HPSE2: variants seen among roughly 807,000 people sequenced by gnomAD.
The protein encoded by HPSE2 is inactive heparanase-2.
A neutral mutation model predicts 60.5 loss-of-function variants in HPSE2; 38 were observed. The observed-to-expected ratio is 0.63, with a 90% confidence interval of 0.48 to 0.82. HPSE2 has a LOEUF of 0.82. HPSE2 is among the 40% of genes least tolerant of loss of function. The probability of loss-of-function intolerance (pLI) is 0.00; values close to 1 mark genes in which losing one functional copy is unlikely to be tolerated. For missense variants in HPSE2, 713 were observed against 740.4 expected, an observed-to-expected ratio of 0.96 and a Z score of 0.43; for synonymous variants, 295 against 293.2, an observed-to-expected ratio of 1.01 and a Z score of -0.06.
intron 3 of HPSE2, among the ~76,000 whole-genome samples, chr10:98,874,986 T>C (rs760199425): frequency 1.3e-5 from 2 of 152,096 alleles, no homozygotes; most frequent in Non-Finnish European, 2.9e-5. Flanking sequence ...GATAAGTTTT[T>C]TGATGCGCTG....
intron 2 of HPSE2, among the ~76,000 whole-genome samples, chr10:99,175,409 G>T (rs943073675): frequency 6.6e-6 from 1 of 152,196 alleles, no homozygotes; most frequent in South Asian, 2.1e-4. Context: ...GTCTGAAGTC[G>T]ACCTGGGAAG....
rs557762685 is a variant in HPSE2, at chr10:98,910,088, G to A, written c.611-166032C>T. Among the ~76,000 whole-genome samples, 3 of 152,284 alleles carry A rather than the reference G, an allele frequency of 2.0e-5. No homozygotes were observed. The East Asian group carries it at 5.8e-4, about 29-fold the overall frequency. On this transcript the variant is annotated intron_variant, in intron 3 of 11. Transcript: ENST00000370552. ...GTTCATAAAAATAATAGCTAACTGT[G>A]CTGTGATAAAGGCACCAGCAGTATC...
intron 9 of HPSE2, among the ~76,000 whole-genome samples, chr10:98,524,779 T>C (rs182902130): frequency 4.1e-4 from 62 of 152,354 alleles, no homozygotes; most frequent in African/African-American, 1.3e-3. Flanking sequence ...AGCTGTGAAA[T>C]ACAAGTTTAC....
the HPSE2 span, among the ~76,000 whole-genome samples, chr10:99,291,532 C>T: frequency 2.0e-5 from 3 of 147,986 alleles, no homozygotes; most frequent in Non-Finnish European, 4.4e-5. Context: ...TGCAGTGAGC[C>T]GAGATCGCGC....
intron 2 of HPSE2, among the ~76,000 whole-genome samples, chr10:99,174,715 T>C (rs1207131688): frequency 6.6e-6 from 1 of 152,284 alleles, no homozygotes; most frequent in East Asian, 1.9e-4. Context: ...CCTGAGAACA[T>C]GATTGTATTT....
intron 3 of HPSE2, among the ~76,000 whole-genome samples, chr10:98,957,778 C>A (rs1221648968): frequency 6.6e-6 from 1 of 152,136 alleles, no homozygotes; most frequent in African/African-American, 2.4e-5. Context: ...AACAGAGATA[C>A]AATTCAAGGT....
At chr10:99,124,552 C>T (rs1339504795) in intron 3 of HPSE2, among the ~76,000 whole-genome samples, 5 of 152,226 alleles carry the variant, frequency 3.3e-5, no homozygotes, top group Admixed American at 6.5e-5. Flanking sequence ...TTTGTTGGCA[C>T]CCAAAGTCCA....
chr10:99,196,565 A>G (rs1004182574), intron 2 of HPSE2, among the ~76,000 whole-genome samples: 1 of 152,196 alleles, frequency 6.6e-6, no homozygotes, highest in Non-Finnish European at 1.5e-5. Context: ...TTCAACAGAC[A>G]TTTCTCAAAA....
intron 3 of HPSE2, among the ~76,000 whole-genome samples, chr10:99,073,572 C>T (rs1376704882): frequency 2.0e-5 from 3 of 152,096 alleles, no homozygotes; most frequent in Admixed American, 6.6e-5. Context: ...AAACCACCAT[C>T]GCACACGTTT....
At chr10:99,110,069 G>T (rs866464462) in intron 3 of HPSE2, among the ~76,000 whole-genome samples, 11 of 152,114 alleles carry the variant, frequency 7.2e-5, no homozygotes, top group Non-Finnish European at 1.5e-4. Context: ...ATCATAAAGA[G>T]AATTATCTGA....
In HPSE2 at chr10:98,794,964, AG is replaced by A. The variant is rs1351698332; in HGVS notation, c.611-50909del. Among the ~76,000 whole-genome samples the A allele has an allele frequency of 8.7e-3, 1,111 of 127,182 alleles. 19 individuals are homozygous for A. Among genetic ancestry groups the A allele is most frequent in the African/African-American group, 0.031 (1,062 of 34,690 alleles). The allele number at this position is 127,182 out of a possible 152,430, so 83.4% of individuals were successfully genotyped here. ...TTGTTCAAAACTGTAACCATAGCCA[AG>A]GGAGGGGAGGGGAGGGGAGGGAAAG... On this transcript the variant is annotated intron_variant, in intron 3 of 11. Transcript: ENST00000370552.
At chr10:98,577,014 T>C (rs1944659703) in intron 9 of HPSE2, among the ~76,000 whole-genome samples, 2 of 151,934 alleles carry the variant, frequency 1.3e-5, no homozygotes, top group South Asian at 4.2e-4. Flanking sequence ...ACCCCTACGT[T>C]CTATTCTCTC....
chr10:98,744,107 A>G (rs1188276924), intron 3 of HPSE2, 51 bp from the exon 4 acceptor site: 1 of 1,543,520 alleles, frequency 6.5e-7, no homozygotes, highest in Admixed American at 1.8e-5. Context: ...CATTCCAACA[A>G]AAGGAAAATA....
chr10:98,917,143 A>T (rs1435030346), intron 3 of HPSE2, among the ~76,000 whole-genome samples: 1 of 152,128 alleles, frequency 6.6e-6, no homozygotes, highest in East Asian at 1.9e-4. Context: ...CTATTTTATC[A>T]TTGTCAACTT....
At chr10:98,860,962 A>G (rs979785156) in intron 3 of HPSE2, among the ~76,000 whole-genome samples, 6 of 152,200 alleles carry the variant, frequency 3.9e-5, no homozygotes, top group African/African-American at 1.4e-4. Flanking sequence ...AGGGCAAGAA[A>G]CATACAATCC....
chr10:98,649,359 G>C (rs1303770076), intron 6 of HPSE2, among the ~76,000 whole-genome samples: 2 of 152,050 alleles, frequency 1.3e-5, no homozygotes, highest in African/African-American at 4.8e-5. Flanking sequence ...TAATCTTCAT[G>C]AACACTCTCT....
At chr10:98,733,269 G>A (rs188241834) in intron 4 of HPSE2, among the ~76,000 whole-genome samples, 2 of 152,140 alleles carry the variant, frequency 1.3e-5, no homozygotes, top group South Asian at 2.1e-4. Flanking sequence ...ACGGGTGCAC[G>A]CCAGCATATT....
At chr10:98,651,837 A>AT (rs1234981123) in intron 6 of HPSE2, among the ~76,000 whole-genome samples, 1 of 146,800 alleles carries the variant, frequency 6.8e-6, no homozygotes, top group African/African-American at 2.5e-5. Flanking sequence ...CAGTGGTGTG[A>AT]TTTTGGCTCA....
At chr10:99,288,200 A>C in the HPSE2 span, among the ~76,000 whole-genome samples, 1 of 152,166 alleles carries the variant, frequency 6.6e-6, no homozygotes, top group Non-Finnish European at 1.5e-5. Context: ...GCTAGATTAC[A>C]TCGTGTTCTT....
Sources: allele counts gnomAD v4.1 joint callset (sites outside exome capture counted in the v4.1 genomes callset), GRCh38; gene constraint gnomAD v4.1.1; transcripts MANE v1.5; gene names NCBI Gene and HGNC (gene_info 2026-07-23, HGNC 2026-07-21).